MCC: variants seen among roughly 807,000 people sequenced by gnomAD.
The protein encoded by MCC is MCC regulator of Wnt signaling pathway, also known as colorectal mutant cancer protein.
In MCC, 90 loss-of-function variants were observed where a neutral mutation model predicts 116.2. The observed-to-expected ratio is 0.77, with a 90% CI of 0.65 to 0.92. MCC has a LOEUF of 0.92. MCC is among the 40% of genes least tolerant of loss of function. MCC has a pLI of 0.00. For missense variants in MCC, 1,516 were observed against 1,312.2 expected (o/e 1.16, Z -2.40); for synonymous variants, 578 against 510.5 (o/e 1.13, Z -1.78).
At chr5:113,160,820 C>T (rs772263498) in intron 3 of MCC, among the ~76,000 whole-genome samples, 10 of 152,028 alleles carry the variant, frequency 6.6e-5, no homozygotes, top group African/African-American at 2.2e-4. Context: ...GGAAGGAATC[C>T]GTGAAAAATT....
In MCC at chr5:113,340,537, A is replaced by G; in HGVS notation, c.609T>C (p.Tyr203=). Residue 203 remains tyrosine, a synonymous_variant, in exon 3 of 19, where the codon TAT becomes TAC. Coordinates refer to ENST00000408903, the MANE Select transcript of MCC (RefSeq NM_001085377.2). ...PHIGNSVGGS[Y]LELANTLHSA... is the part of the protein sequence containing the mutation. ...TACTCACTGTGTTGGCCAGCTCTAG[A>G]TAGCTTCCTCCTACAGAGTTGCCAA... 1 of 1,614,170 alleles carries G rather than the reference A, an allele frequency of 6.2e-7. No homozygotes were observed. The highest frequency in any genetic ancestry group is 8.5e-7 in the Non-Finnish European group (1 of 1,180,000).
At chr5:113,062,335 C>T (rs1434744719) in intron 14 of MCC, among the ~76,000 whole-genome samples, 1 of 152,210 alleles carries the variant, frequency 6.6e-6, no homozygotes, top group Middle Eastern at 3.2e-3. Flanking sequence ...GTACTTCTAA[C>T]AAATATTCAA....
intron 18 of MCC, 21 bp from the exon 19 acceptor site, chr5:113,027,503 A>G: frequency 6.8e-6 from 11 of 1,612,630 alleles, no homozygotes; most frequent in Non-Finnish European, 9.3e-6. Flanking sequence ...ATGAAGGGAA[A>G]TTGGTATTAA....
intron 4 of MCC, among the ~76,000 whole-genome samples, chr5:113,144,376 A>C (rs2044239): frequency 0.54 from 82,012 of 152,114 alleles, 23,765 homozygotes; most frequent in East Asian, 0.72. Context: ...TGTCTACTAC[A>C]CTCGGCTTCG....
intron 1 of MCC, among the ~76,000 whole-genome samples, chr5:113,450,730 T>C (rs191409569): frequency 6.6e-6 from 1 of 152,330 alleles, no homozygotes; most frequent in Non-Finnish European, 1.5e-5. Flanking sequence ...ATGGTACACA[T>C]GTACCTACGT....
intron 3 of MCC, among the ~76,000 whole-genome samples, chr5:113,233,038 G>A (rs918202934): frequency 1.3e-5 from 2 of 152,252 alleles, no homozygotes; most frequent in South Asian, 2.1e-4. Context: ...TGAAATACCT[G>A]TAAAGCACTT....
intron 3 of MCC, among the ~76,000 whole-genome samples, chr5:113,223,752 AAGGGC>A (rs1214940918): frequency 2.6e-5 from 4 of 152,254 alleles, no homozygotes; most frequent in Non-Finnish European, 4.4e-5. Context: ...AGAGGAGCAC[AAGGGC>A]AGAGAAAATG....
intron 1 of MCC, chr5:113,437,281 A>C (rs1349154508): frequency 6.6e-6 from 1 of 152,226 alleles, no homozygotes; most frequent in Non-Finnish European, 1.5e-5. Flanking sequence ...GCTTCTTGCA[A>C]ATTGGGCTTT....
At chr5:113,052,642 G>A (rs1752558866) in intron 15 of MCC, among the ~76,000 whole-genome samples, 1 of 152,192 alleles carries the variant, frequency 6.6e-6, no homozygotes, top group Non-Finnish European at 1.5e-5. Flanking sequence ...CAGAGATGGT[G>A]CGACCAGGGG....
Position 113,085,803 on chromosome 5 carries a change from T to C in MCC, c.1399-493A>G, listed in dbSNP as rs924162547. On this transcript the variant is annotated intron_variant, in intron 8 of 18. Transcript: ENST00000408903. The stretch of plus-strand genomic sequence containing the variant: ...ATCTCCTGGGCTCAAGGGATCCTCC[T>C]GCCTCAGCCTCCTGAGCAGCTGGGA... 2.2e-4 allele frequency among the ~76,000 whole-genome samples: 34 copies of C among 152,186 alleles called. 1 individual carries two copies. Among genetic ancestry groups the C allele is most frequent in the Non-Finnish European group, 2.4e-4 (16 of 68,038 alleles).
intron 2 of MCC, among the ~76,000 whole-genome samples, chr5:113,373,682 T>C (rs1215060415): frequency 2.0e-5 from 3 of 152,222 alleles, no homozygotes; most frequent in African/African-American, 7.2e-5. Flanking sequence ...TATTTCTTTG[T>C]TTCATATTTT....
intron 5 of MCC, among the ~76,000 whole-genome samples, chr5:113,123,530 T>G (rs533566164): frequency 5.3e-4 from 81 of 152,306 alleles, no homozygotes; most frequent in African/African-American, 1.9e-3. Flanking sequence ...CCCCACTGTG[T>G]TTTATTTGTA....
At chr5:113,468,816 CT>C (rs1174930547) in intron 1 of MCC, among the ~76,000 whole-genome samples, 2 of 152,094 alleles carry the variant, frequency 1.3e-5, no homozygotes, top group African/African-American at 4.8e-5. Flanking sequence ...TGGTCCTGGA[CT>C]TTTTTTGGTT....
At chr5:113,346,635 A>AC (rs1356281470) in intron 2 of MCC, among the ~76,000 whole-genome samples, 13 of 109,678 alleles carry the variant, frequency 1.2e-4, no homozygotes, top group Middle Eastern at 4.0e-3. Context: ...AACAACAACA[A>AC]AAAAAACAAC....
intron 3 of MCC, among the ~76,000 whole-genome samples, chr5:113,282,522 C>CT (rs1187885242): frequency 6.6e-6 from 1 of 152,102 alleles, no homozygotes; most frequent in Non-Finnish European, 1.5e-5. Context: ...CAGATTATGC[C>CT]AAAAGAGAGA....
intron 3 of MCC, among the ~76,000 whole-genome samples, chr5:113,154,673 G>A (rs758696859): frequency 2.6e-5 from 4 of 152,182 alleles, no homozygotes; most frequent in Non-Finnish European, 5.9e-5. Context: ...GTTTGTGAGC[G>A]ATGCTACATG....
intron 3 of MCC, among the ~76,000 whole-genome samples, chr5:113,183,479 T>C (rs1371467823): frequency 6.6e-6 from 1 of 152,076 alleles, no homozygotes; most frequent in Non-Finnish European, 1.5e-5. Flanking sequence ...TGGCCTCTAA[T>C]GGAAACATGG....
At chr5:113,428,029 G>C (rs1770529053) in intron 1 of MCC, among the ~76,000 whole-genome samples, 1 of 152,098 alleles carries the variant, frequency 6.6e-6, no homozygotes, top group African/African-American at 2.4e-5. Flanking sequence ...TCATCTATCA[G>C]TAATTTTCAA....
At chr5:113,224,838 C>T (rs765339027) in intron 3 of MCC, among the ~76,000 whole-genome samples, 2 of 152,108 alleles carry the variant, frequency 1.3e-5, no homozygotes, top group African/African-American at 2.4e-5. Context: ...CCAGGGAATA[C>T]GAAAATGACT....
Sources: gnomAD v4.1 joint callset for allele counts (sites outside exome capture counted in the v4.1 genomes callset) on GRCh38, gnomAD v4.1.1 for gene constraint, MANE v1.5 for transcripts, NCBI Gene and HGNC (gene_info 2026-07-23, HGNC 2026-07-21) for gene names.